The following TBC1D14 variants were observed in gnomAD, a reference collection of about 807,000 sequenced individuals.
TBC1D14 encodes the protein TBC1 domain family member 14.
A neutral mutation model predicts 79.0 loss-of-function variants in TBC1D14; 26 were observed. The observed-to-expected ratio is 0.33, with a 90% CI of 0.24 to 0.46. TBC1D14 has a LOEUF of 0.46. Ranked by LOEUF, TBC1D14 falls within the 20% of genes least tolerant of loss-of-function variation. The pLI is 1.00. For synonymous variants in TBC1D14, 394 were observed against 349.9 expected (o/e 1.13, Z -1.40); for missense variants, 769 against 887.6 (o/e 0.87, Z 1.70).
At chr4:6,967,850 C>T (rs1436401950) in intron 3 of TBC1D14, among the ~76,000 whole-genome samples, 1 of 151,776 alleles carries the variant, frequency 6.6e-6, no homozygotes, top group Non-Finnish European at 1.5e-5. Context: ...GCCGACATTC[C>T]CCGGCTCTGC....
chr4:6,973,236 G>A (rs1021625770), intron 3 of TBC1D14, among the ~76,000 whole-genome samples: 2 of 152,122 alleles, frequency 1.3e-5, no homozygotes, highest in Non-Finnish European at 2.9e-5. Context: ...AATCCCAGAA[G>A]AAGGCAGATC....
chr4:6,959,420 C>G (rs542443955), intron 2 of TBC1D14, among the ~76,000 whole-genome samples: 3 of 152,188 alleles, frequency 2.0e-5, no homozygotes, highest in Non-Finnish European at 4.4e-5. Flanking sequence ...ACAGCTCTGC[C>G]TGCTTCTCTG....
chr4:6,922,754 C>T (rs1051405457), intron 1 of TBC1D14, among the ~76,000 whole-genome samples: 13 of 152,214 alleles, frequency 8.5e-5, no homozygotes, highest in Admixed American at 2.6e-4. Flanking sequence ...AAAACCCAAC[C>T]GCCGCCCCCC....
chr4:6,976,755 A>G (rs1192547802), intron 3 of TBC1D14, among the ~76,000 whole-genome samples: 1 of 152,172 alleles, frequency 6.6e-6, no homozygotes, highest in Non-Finnish European at 1.5e-5. Context: ...AATACAGTAG[A>G]CTATTTTCCT....
chr4:6,990,321 C>T (rs183138358), intron 3 of TBC1D14, among the ~76,000 whole-genome samples: 16 of 152,260 alleles, frequency 1.1e-4, no homozygotes, highest in South Asian at 4.1e-4. Flanking sequence ...TGGTGGCACG[C>T]GCTTGTAATC....
chr4:6,978,098 C>T (rs1367499659), intron 3 of TBC1D14, among the ~76,000 whole-genome samples: 1 of 144,602 alleles, frequency 6.9e-6, no homozygotes. Flanking sequence ...TGGCCAGCCG[C>T]CCCATCCGGG....
intron 2 of TBC1D14, among the ~76,000 whole-genome samples, chr4:6,939,096 G>A (rs1712631391): frequency 6.6e-6 from 1 of 152,168 alleles, no homozygotes; most frequent in South Asian, 2.1e-4. Context: ...CGGCATCCTG[G>A]CTCTGCCACC....
At chr4:6,914,547 G>A (rs1322633235) in intron 1 of TBC1D14, among the ~76,000 whole-genome samples, 1 of 152,210 alleles carries the variant, frequency 6.6e-6, no homozygotes, top group East Asian at 1.9e-4. Context: ...GCACAGCTCT[G>A]TTACTACGCA....
rs369995367 is a variant in TBC1D14, at chr4:7,009,813, G to T, written c.1447-64G>T. ...GGCAGCGGCAGCAGTAGTAGTATCA[G>T]ATGTTCGTCTGAGCACTAACAGTAC... On this transcript the variant is annotated intron_variant, in intron 9 of 13. Transcript: ENST00000409757. The T allele has an allele frequency of 2.5e-4, 377 of 1,516,126 alleles. 2 individuals are homozygous for T. The African/African-American group carries it at 4.7e-3, about 19-fold the overall frequency. 93.9% of individuals were successfully genotyped at this position (1,516,126 alleles called of 1,614,324 possible).
At chr4:6,959,364 G>A (rs954510597) in intron 2 of TBC1D14, among the ~76,000 whole-genome samples, 1 of 152,178 alleles carries the variant, frequency 6.6e-6, no homozygotes, top group African/African-American at 2.4e-5. Context: ...AGGTAGAAAT[G>A]AGGCTCAGAA....
intron 2 of TBC1D14, among the ~76,000 whole-genome samples, chr4:6,927,358 C>A (rs1055914672): frequency 6.6e-6 from 1 of 152,080 alleles, no homozygotes; most frequent in African/African-American, 2.4e-5. Context: ...CTGGGTTTCT[C>A]GTGAGTCCTC....
At chr4:7,018,302 G>T (rs1010104983) in intron 12 of TBC1D14, among the ~76,000 whole-genome samples, 1 of 152,232 alleles carries the variant, frequency 6.6e-6, no homozygotes, top group African/African-American at 2.4e-5. Flanking sequence ...GGCAGGGGCT[G>T]AGGGGCCTGT....
intron 2 of TBC1D14, among the ~76,000 whole-genome samples, chr4:6,943,614 T>G (rs1713127610): frequency 6.6e-6 from 1 of 152,230 alleles, no homozygotes; most frequent in Admixed American, 6.5e-5. Flanking sequence ...TCAGCTTAAG[T>G]GACACCTCCT....
Position 7,004,938 on chromosome 4 carries a change from T to G in TBC1D14, c.1351+14T>G. ...TGGAGAACGAAGGTAGAATGTCTTCTAAAACCAGCGGACTGCTGTGGTCAA... is the reference window on the plus strand; with the variant it reads ...TGGAGAACGAAGGTAGAATGTCTTCGAAAACCAGCGGACTGCTGTGGTCAA... On this transcript the variant is annotated intron_variant, in intron 8 of 13. Coordinates refer to ENST00000409757, the MANE Select transcript of TBC1D14 (RefSeq NM_020773.3). 2 of 1,612,330 alleles carry G rather than the reference T, an allele frequency of 1.2e-6. No individual in the cohort carries two copies. The highest frequency in any genetic ancestry group is 1.7e-6 in the Non-Finnish European group (2 of 1,178,384).
chr4:7,008,888 C>T (rs761361867), intron 9 of TBC1D14, among the ~76,000 whole-genome samples: 17 of 152,238 alleles, frequency 1.1e-4, no homozygotes, highest in Admixed American at 6.5e-5. Context: ...AACTTTGTTA[C>T]AGTCACACTA....
At chr4:7,017,842 T>A (rs1324053542) in intron 12 of TBC1D14, among the ~76,000 whole-genome samples, 2 of 152,248 alleles carry the variant, frequency 1.3e-5, no homozygotes, top group Admixed American at 1.3e-4. Context: ...CATGACTTAT[T>A]TCCTGAGTCA....
chr4:6,976,055 T>A (rs1024285386), intron 3 of TBC1D14, among the ~76,000 whole-genome samples: 2 of 152,218 alleles, frequency 1.3e-5, no homozygotes, highest in Non-Finnish European at 1.5e-5. Flanking sequence ...ATCGTGCCAC[T>A]GCACTCCATT....
intron 3 of TBC1D14, chr4:6,987,353 A>G: frequency 7.0e-7 from 1 of 1,424,402 alleles, no homozygotes; most frequent in South Asian, 1.4e-5. Context: ...GTTCATGGTG[A>G]GTCGGGGTGC....
At chr4:6,989,122 C>T (rs1333956988) in intron 3 of TBC1D14, among the ~76,000 whole-genome samples, 2 of 151,980 alleles carry the variant, frequency 1.3e-5, no homozygotes, top group Non-Finnish European at 2.9e-5. Flanking sequence ...CAGGCTTTTC[C>T]CCCGCTTTTT....
Sources: gnomAD v4.1 joint callset for allele counts (sites outside exome capture counted in the v4.1 genomes callset) on GRCh38, gnomAD v4.1.1 for gene constraint, MANE v1.5 for transcripts, NCBI Gene and HGNC (gene_info 2026-07-23, HGNC 2026-07-21) for gene names.